Variants in SNRPN observed in about 807,000 individuals in gnomAD.
SNRPN encodes the protein small nuclear ribonucleoprotein-associated protein N.
Under a neutral mutation model 25.2 loss-of-function variants are expected in SNRPN, and 7 were observed. The ratio of observed to expected loss-of-function variants is 0.28; its 90% CI spans 0.16 to 0.52. The LOEUF (loss-of-function observed/expected upper bound fraction) is 0.52. SNRPN is among the 20% of genes least tolerant of loss of function. The pLI is 0.96. For synonymous variants in SNRPN, 124 were observed against 110.6 expected (o/e 1.12, Z -0.76); for missense variants, 196 against 322.5 (o/e 0.61, Z 3.00).
chr15:24,933,678 G>T (rs2152917776), intron 3 of SNRPN, among the ~76,000 whole-genome samples: 1 of 152,348 alleles, frequency 6.6e-6, no homozygotes, highest in South Asian at 2.1e-4. Flanking sequence ...CAAAGGGATT[G>T]CCAGAAGGGC....
intron 3 of SNRPN, among the ~76,000 whole-genome samples, chr15:24,944,113 C>T (rs1353306785): frequency 6.6e-6 from 1 of 152,234 alleles, no homozygotes; most frequent in Non-Finnish European, 1.5e-5. Flanking sequence ...TGAGCCACCA[C>T]ACCTGGCTGC....
rs919471868 is a variant in SNRPN, at chr15:24,872,592, A to T, written c.-578-13924A>T. ...GAAACCCCGTCTCTACTAACAATAA[A>T]AAAATTAGCTGAGTGTGATGAAACA... On this transcript the variant is annotated intron_variant, in intron 1 of 11. Coordinates refer to the SNRPN transcript ENST00000400097. Among the ~76,000 whole-genome samples, 4 of 114,402 alleles carry T rather than the reference A, an allele frequency of 3.5e-5. 2 individuals are homozygous for T. The highest frequency in any genetic ancestry group is 6.5e-4 in the East Asian group (2 of 3,096). The allele number at this position is 114,402 out of a possible 152,430, so 75.1% of individuals were successfully genotyped here.
intron 1 of SNRPN, among the ~76,000 whole-genome samples, chr15:24,879,186 G>C (rs904416623): frequency 3.9e-5 from 6 of 152,120 alleles, no homozygotes; most frequent in African/African-American, 1.4e-4. Flanking sequence ...TGTAATCCTA[G>C]CACTTTGGGC....
intron 1 of SNRPN, among the ~76,000 whole-genome samples, chr15:24,957,867 C>T (rs1179559819): frequency 1.3e-5 from 2 of 152,090 alleles, no homozygotes; most frequent in African/African-American, 4.8e-5. Context: ...CATTCAGGCC[C>T]GGGATCCTAA....
chr15:24,919,225 T>C (rs562956316), intron 2 of SNRPN, among the ~76,000 whole-genome samples: 2,291 of 151,316 alleles, frequency 0.015, 57 homozygotes, highest in African/African-American at 0.051. Context: ...GTCAGGAGAT[T>C]AAGACCATCC....
At chr15:24,838,027 C>CTTTA (rs1277725454) in intron 2 of SNRPN, among the ~76,000 whole-genome samples, 1 of 145,678 alleles carries the variant, frequency 6.9e-6, no homozygotes, top group African/African-American at 2.5e-5. Context: ...CCGGCCAACT[C>CTTTA]TTTATTTATT....
chr15:24,856,261 A>G (rs753448749), upstream of SNRPN, among the ~76,000 whole-genome samples: 4 of 152,154 alleles, frequency 2.6e-5, no homozygotes, highest in Admixed American at 6.5e-5. Context: ...AGAACTCACT[A>G]TTACTGATGA....
intron 3 of SNRPN, among the ~76,000 whole-genome samples, chr15:24,972,647 G>A (rs1454094346): frequency 6.7e-6 from 1 of 149,990 alleles, no homozygotes; most frequent in African/African-American, 2.5e-5. Flanking sequence ...CTTTTCAAAA[G>A]TAATTTGTGT....
chr15:24,975,784 T>G (rs1386605479), intron 5 of SNRPN, among the ~76,000 whole-genome samples: 1 of 152,026 alleles, frequency 6.6e-6, no homozygotes, highest in Non-Finnish European at 1.5e-5. Context: ...TTGAGAAAAA[T>G]GCTATATTAA....
At chr15:24,888,341 C>T (rs894268965) in intron 2 of SNRPN, among the ~76,000 whole-genome samples, 27 of 152,146 alleles carry the variant, frequency 1.8e-4, no homozygotes, top group Middle Eastern at 3.4e-3. Context: ...CTCCAGACCT[C>T]GTGATCCACC....
chr15:24,884,566 C>T (rs1220746561), intron 1 of SNRPN, among the ~76,000 whole-genome samples: 1 of 152,154 alleles, frequency 6.6e-6, no homozygotes, highest in Non-Finnish European at 1.5e-5. Flanking sequence ...TATGTAGACA[C>T]CAGCATGATC....
At chr15:24,883,385 T>C (rs1000046969) in intron 1 of SNRPN, among the ~76,000 whole-genome samples, 1 of 152,188 alleles carries the variant, frequency 6.6e-6, no homozygotes, top group African/African-American at 2.4e-5. Flanking sequence ...GTCATCTGGC[T>C]GTCTGGGAGG....
intron 3 of SNRPN, among the ~76,000 whole-genome samples, chr15:24,938,628 C>T (rs1260874715): frequency 6.6e-6 from 1 of 152,176 alleles, no homozygotes; most frequent in Admixed American, 6.5e-5. Context: ...TGCCACACTA[C>T]ACCACATCAC....
chr15:24,967,076 C>T (rs914961826), intron 2 of SNRPN: 3 of 152,282 alleles, frequency 2.0e-5, no homozygotes, highest in African/African-American at 7.2e-5. Context: ...CTAAACATCT[C>T]CCTGCAAATG....
At chr15:24,874,152 T>C (rs2055570135) in intron 1 of SNRPN, among the ~76,000 whole-genome samples, 2 of 150,712 alleles carry the variant, frequency 1.3e-5, no homozygotes, top group East Asian at 2.0e-4. Context: ...CTACTAAAAA[T>C]ACAAAAAATT....
At chr15:24,841,732 C>T (rs771385437) in intron 2 of SNRPN, among the ~76,000 whole-genome samples, 18 of 152,142 alleles carry the variant, frequency 1.2e-4, no homozygotes, top group Non-Finnish European at 2.2e-4. Context: ...CCTGGTCTTC[C>T]TCCTTATCCT....
At chr15:24,863,638 A>G (rs1187189415) in intron 1 of SNRPN, among the ~76,000 whole-genome samples, 6 of 150,750 alleles carry the variant, frequency 4.0e-5, no homozygotes, top group African/African-American at 1.2e-4. Flanking sequence ...TCATAGCTAC[A>G]GTATTTTCCA....
intron 2 of SNRPN, among the ~76,000 whole-genome samples, chr15:24,837,647 G>C (rs1461335054): frequency 6.6e-6 from 1 of 151,922 alleles, no homozygotes; most frequent in African/African-American, 2.4e-5. Context: ...GGGATTACAG[G>C]CGTGAGCCAC....
At chr15:24,844,610 C>T (rs866915308) in intron 2 of SNRPN, among the ~76,000 whole-genome samples, 1 of 152,068 alleles carries the variant, frequency 6.6e-6, no homozygotes. Flanking sequence ...CTGCAACTTC[C>T]GCCTCCTGGG....
Sources: allele counts gnomAD v4.1 joint callset (sites outside exome capture counted in the v4.1 genomes callset), GRCh38; gene constraint gnomAD v4.1.1; transcripts MANE v1.5; gene names NCBI Gene and HGNC (gene_info 2026-07-23, HGNC 2026-07-21).